Variants in PADI6 observed in about 807,000 individuals in gnomAD.
The protein encoded by PADI6 is inactive protein-arginine deiminase type-6.
Under a neutral mutation model 78.2 loss-of-function variants are expected in PADI6, and 66 were observed. That is an observed-to-expected ratio of 0.84 (90% CI 0.69 to 1.04). The LOEUF (loss-of-function observed/expected upper bound fraction) is 1.04, where lower values mean the gene tolerates loss of function less well. PADI6 is among the 50% of genes least tolerant of loss of function. PADI6 has a pLI of 0.00. For synonymous variants in PADI6, 397 were observed against 346.9 expected, an observed-to-expected ratio of 1.14 and a Z score of -1.60; for missense variants, 854 against 866.1, an observed-to-expected ratio of 0.99 and a Z score of 0.18.
chr1:17,378,957 G>T (rs796393156), intron 3 of PADI6, among the ~76,000 whole-genome samples: 115 of 135,738 alleles, frequency 8.5e-4, no homozygotes, highest in African/African-American at 2.1e-3. Context: ...ATTTTTTTTG[G>T]GGGGGGGGAC....
intron 9 of PADI6, among the ~76,000 whole-genome samples, chr1:17,393,103 G>A (rs1297537564): frequency 1.3e-5 from 2 of 151,994 alleles, no homozygotes; most frequent in Non-Finnish European, 2.9e-5. Context: ...CCTAGATCAC[G>A]CCACTACACT....
At chr1:17,398,648 T>TGGGG in intron 14 of PADI6, 38 bp from the exon 15 acceptor site, 9 of 193,324 alleles carry the variant, frequency 4.7e-5, no homozygotes, top group East Asian at 8.4e-5. Flanking sequence ...CTCTCCTTGC[T>TGGGG]CCCCCGCCCC....
intron 8 of PADI6, among the ~76,000 whole-genome samples, chr1:17,389,362 C>T (rs2075159468): frequency 6.6e-6 from 1 of 152,158 alleles, no homozygotes; most frequent in South Asian, 2.1e-4. Context: ...TGGATGCCTG[C>T]AGGAAGATGG....
chr1:17,382,274 G>C (rs1000320655), intron 6 of PADI6, among the ~76,000 whole-genome samples, 182 bp downstream of exon 6: 6 of 152,148 alleles, frequency 3.9e-5, no homozygotes, highest in Non-Finnish European at 8.8e-5. Context: ...TTCCCCATAG[G>C]CTAAATCTGT....
At position 17,381,045 on chromosome 1, in the gene PADI6, A is replaced by G; in HGVS notation, c.436-2A>G. On this transcript the variant is annotated splice_acceptor_variant, in intron 4 of 15. Coordinates refer to ENST00000619609, the MANE Select transcript of PADI6 (RefSeq NM_207421.4). LOFTEE classifies it high-confidence loss of function. ...GAGCCAATGTTCCCATCTCATTTGC[A>G]GAAAAAATGGATCTGGGGTCCCAGC... 1.3e-6 allele frequency: 2 copies of G among 1,591,764 alleles called. No homozygotes were observed. Among genetic ancestry groups the G allele is most frequent in the Non-Finnish European group, 1.7e-6 (2 of 1,169,276 alleles).
chr1:17,372,919 T>TG, intron 1 of PADI6, 137 bp from the exon 2 acceptor site: 1 of 875,878 alleles, frequency 1.1e-6, no homozygotes, highest in Non-Finnish European at 1.7e-6. Context: ...TGGGTAGGAA[T>TG]AAGGACCCCA....
chr1:17,377,134 C>A (rs1489373677), intron 3 of PADI6, among the ~76,000 whole-genome samples: 3 of 151,844 alleles, frequency 2.0e-5, no homozygotes, highest in African/African-American at 7.3e-5. Flanking sequence ...ACCACCATGC[C>A]CAGCTGACTT....
chr1:17,372,413 C>T, intron 1 of PADI6, 52 bp downstream of exon 1: 1 of 1,533,442 alleles, frequency 6.5e-7, no homozygotes, highest in Non-Finnish European at 9.0e-7. Context: ...GCAGGCAGGC[C>T]TGGGACCCAG....
In PADI6 at chr1:17,379,997, C is replaced by A; in HGVS notation, c.435+10C>A. 1 of 1,612,898 alleles carries A rather than the reference C, an allele frequency of 6.2e-7. No homozygotes were observed. ...TGACAAACAGGCTAAGGTGAGTCTG[C>A]CAGCAAAAGGGGGCAGGGAAGGGGC... On this transcript the variant is annotated intron_variant, in intron 4 of 15. Transcript: ENST00000619609.
intron 3 of PADI6, among the ~76,000 whole-genome samples, chr1:17,377,016 G>A (rs150602901): frequency 2.0e-5 from 3 of 152,086 alleles, no homozygotes; most frequent in African/African-American, 4.8e-5. Context: ...TGGACCATAG[G>A]TGTTATACCA....
chr1:17,386,247 G>A (rs144523606), intron 6 of PADI6, among the ~76,000 whole-genome samples: 68 of 152,290 alleles, frequency 4.5e-4, no homozygotes, highest in African/African-American at 1.5e-3. Flanking sequence ...GAGCCCATGA[G>A]CCTGAAACAC....
At chr1:17,391,973 G>C in intron 8 of PADI6, 141 bp from the exon 9 acceptor site, 1 of 658,704 alleles carries the variant, frequency 1.5e-6, no homozygotes, top group Middle Eastern at 4.3e-4. Flanking sequence ...GGTCAGGGAT[G>C]GTTGCTCTGT....
chr1:17,388,608 G>A (rs781334609), intron 7 of PADI6, 49 bp downstream of exon 7: 1 of 1,522,470 alleles, frequency 6.6e-7, no homozygotes, highest in South Asian at 1.2e-5. Context: ...CTCCGGTGGG[G>A]GAAAAGCCAT....
chr1:17,374,351 TGTG>T (rs2074994775), intron 2 of PADI6, among the ~76,000 whole-genome samples: 3 of 152,002 alleles, frequency 2.0e-5, no homozygotes, highest in Admixed American at 1.3e-4. Context: ...TCTGGCCAGG[TGTG>T]GTGGCTCATG....
chr1:17,394,297 C>A lies in PADI6; in HGVS notation c.1183-3C>A. ...CCCTTCCCTGGCTCGGTCTCTCCCC[C>A]AGAGCCCTGGTATTGGCTACATGAT... On this transcript the variant is annotated splice_region_variant and splice_polypyrimidine_tract_variant and intron_variant, in intron 10 of 15. Coordinates refer to ENST00000619609, the MANE Select transcript of PADI6 (RefSeq NM_207421.4). 2 of 1,612,078 alleles carry A rather than the reference C, an allele frequency of 1.2e-6. No individual in the cohort carries two copies. Among genetic ancestry groups the A allele is most frequent in the Non-Finnish European group, 1.7e-6 (2 of 1,178,340 alleles).
chr1:17,377,509 T>G (rs1270240282), intron 3 of PADI6, among the ~76,000 whole-genome samples: 2 of 152,180 alleles, frequency 1.3e-5, no homozygotes, highest in Non-Finnish European at 2.9e-5. Flanking sequence ...GGATATTGCC[T>G]ACCCAGCATG....
At chr1:17,386,321 T>C (rs1291933004) in intron 6 of PADI6, among the ~76,000 whole-genome samples, 2 of 152,176 alleles carry the variant, frequency 1.3e-5, no homozygotes, top group African/African-American at 2.4e-5. Flanking sequence ...CAACAAACTA[T>C]CTGTGAGAGG....
At chr1:17,372,395 G>GTAGA (rs2074970839) in intron 1 of PADI6, 34 bp downstream of exon 1, 1 of 1,590,962 alleles carries the variant, frequency 6.3e-7, no homozygotes, top group African/African-American at 1.3e-5. Flanking sequence ...GAGGTGGCAG[G>GTAGA]CAGACAGGCA....
intron 12 of PADI6, 60 bp from the exon 13 acceptor site, chr1:17,395,480 G>T: frequency 6.5e-7 from 1 of 1,533,060 alleles, no homozygotes. Flanking sequence ...TGGGATTACA[G>T]ATATGAGCCA....
Sources: allele counts gnomAD v4.1 joint callset (sites outside exome capture counted in the v4.1 genomes callset), GRCh38; gene constraint gnomAD v4.1.1; transcripts MANE v1.5; gene names NCBI Gene and HGNC (gene_info 2026-07-23, HGNC 2026-07-21).